The following RPS6KA2 variants were observed in gnomAD, a reference collection of about 807,000 sequenced individuals.
The protein encoded by RPS6KA2 is ribosomal protein S6 kinase A2.
RPS6KA2 carries 42 observed loss-of-function variants against 91.8 expected under a neutral mutation model. The ratio of observed to expected loss-of-function variants is 0.46; its 90% CI spans 0.36 to 0.59. The LOEUF is 0.59. Ranked by LOEUF, RPS6KA2 falls within the 20% of genes least tolerant of loss-of-function variation. RPS6KA2 has a pLI of 0.00. For synonymous variants in RPS6KA2, 414 were observed against 393.6 expected, an observed-to-expected ratio of 1.05 and a Z score of -0.61; for missense variants, 798 against 978.5, an observed-to-expected ratio of 0.82 and a Z score of 2.46.
rs541223868 is a variant in RPS6KA2, at chr6:166,723,240, G to A, written c.123+134960C>T. On this transcript the variant is annotated intron_variant, in intron 2 of 21. Transcript: ENST00000503859. Reference sequence around the variant, plus strand: ...GCTCAGTGCCCAGCCTCTTGCTCAAGTCCCCCCTTCTGGAAAGTAAAGCAC... The same window carrying A: ...GCTCAGTGCCCAGCCTCTTGCTCAAATCCCCCCTTCTGGAAAGTAAAGCAC... Among the ~76,000 whole-genome samples, 5 of 152,350 alleles carry A rather than the reference G, an allele frequency of 3.3e-5. No homozygotes were observed. The South Asian group carries it at 8.3e-4, about 25-fold the overall frequency.
chr6:166,504,638 A>C (rs777637954), intron 5 of RPS6KA2, 26 bp from the exon 6 acceptor site: 13 of 1,504,254 alleles, frequency 8.6e-6, no homozygotes, highest in Admixed American at 7.3e-5. Flanking sequence ...CAAAAACAAA[A>C]ACAAAAAACG....
intron 1 of RPS6KA2, among the ~76,000 whole-genome samples, chr6:166,575,619 C>CT (rs1784816395): frequency 6.6e-6 from 1 of 151,906 alleles, no homozygotes. Context: ...TTTTTCTTTC[C>CT]TTTTTTACAT....
intron 2 of RPS6KA2, among the ~76,000 whole-genome samples, chr6:166,846,208 T>A (rs974187712): frequency 7.4e-6 from 1 of 135,268 alleles, no homozygotes; most frequent in Non-Finnish European, 1.6e-5. Context: ...AAGATTGAAG[T>A]GGTAATTTTT....
chr6:166,579,617 G>A (rs769513883), intron 1 of RPS6KA2, among the ~76,000 whole-genome samples: 8 of 152,220 alleles, frequency 5.3e-5, no homozygotes, highest in Non-Finnish European at 1.2e-4. Flanking sequence ...TGAAACTGGT[G>A]TATTCAAGAT....
intron 1 of RPS6KA2, among the ~76,000 whole-genome samples, chr6:166,590,182 TG>T (rs1166366431): frequency 6.6e-6 from 1 of 152,252 alleles, no homozygotes; most frequent in Non-Finnish European, 1.5e-5. Context: ...CTTCTGGTTT[TG>T]CTTCTTTTGT....
Position 166,634,750 on chromosome 6 carries a change from C to T in RPS6KA2, c.124-95966G>A, listed in dbSNP as rs542793234. The stretch of plus-strand genomic sequence containing the variant: ...TTGAGTCGCTGGGGCTACAGGTGTG[C>T]GCCACCTTGCCCAGCTAATTTTTGT... On this transcript the variant is annotated intron_variant, in intron 2 of 21. Transcript: ENST00000503859. 1.4e-4 allele frequency among the ~76,000 whole-genome samples: 22 copies of T among 152,206 alleles called. No homozygotes were observed. In the South Asian group the frequency reaches 2.7e-3, roughly 19 times the overall value.
intron 2 of RPS6KA2, among the ~76,000 whole-genome samples, chr6:166,738,684 A>G (rs574266232): frequency 2.0e-4 from 31 of 152,352 alleles, no homozygotes; most frequent in African/African-American, 6.7e-4. Flanking sequence ...ATGGCTTTAA[A>G]TAAAAACGAC....
At chr6:166,458,587 G>C (rs915192549) in intron 12 of RPS6KA2, among the ~76,000 whole-genome samples, 1 of 152,168 alleles carries the variant, frequency 6.6e-6, no homozygotes, top group African/African-American at 2.4e-5. Context: ...TAATCCAAGA[G>C]GACTAGTGTC....
intron 14 of RPS6KA2, among the ~76,000 whole-genome samples, chr6:166,446,771 C>T (rs1779693508): frequency 6.6e-6 from 1 of 152,192 alleles, no homozygotes; most frequent in Non-Finnish European, 1.5e-5. Flanking sequence ...GGCTGCTGGG[C>T]TGACCAAACC....
rs1787347990 is a variant in RPS6KA2, at chr6:166,639,287, T to A, written c.124-100503A>T. 6.6e-6 allele frequency among the ~76,000 whole-genome samples: 1 copy of A among 152,050 alleles called. No individual in the cohort carries two copies. ...AGACTTACCGTGACCTCCTGACACGTCCTTATTCCCTACGTCTCTAGTTAC... is the reference window on the plus strand; with the variant it reads ...AGACTTACCGTGACCTCCTGACACGACCTTATTCCCTACGTCTCTAGTTAC... On this transcript the variant is annotated intron_variant, in intron 2 of 21. Transcript: ENST00000503859. This position sits in a 1 kb window ranked among gnomAD's most constrained non-coding sequence, Gnocchi z 4.2.
intron 2 of RPS6KA2, among the ~76,000 whole-genome samples, chr6:166,658,696 C>T (rs778251828): frequency 4.6e-5 from 7 of 152,126 alleles, no homozygotes; most frequent in African/African-American, 7.2e-5. Context: ...TGCCAGGGTT[C>T]GCCTGTGCAA....
chr6:166,548,676 A>T (rs1262283674), intron 1 of RPS6KA2, among the ~76,000 whole-genome samples: 3 of 152,248 alleles, frequency 2.0e-5, no homozygotes, highest in Non-Finnish European at 4.4e-5. Flanking sequence ...CTCTTATACA[A>T]TAATTAACTG....
At chr6:166,713,657 T>C (rs1006008840) in intron 2 of RPS6KA2, among the ~76,000 whole-genome samples, 6 of 152,254 alleles carry the variant, frequency 3.9e-5, no homozygotes, top group African/African-American at 1.4e-4. Flanking sequence ...TTATGTGTTC[T>C]GGAAGCAAAA....
intron 1 of RPS6KA2, among the ~76,000 whole-genome samples, chr6:166,859,859 C>T (rs1781003066): frequency 6.6e-6 from 1 of 152,136 alleles, no homozygotes; most frequent in African/African-American, 2.4e-5. Context: ...TGCATAACAG[C>T]AAGGAACTAA....
intron 2 of RPS6KA2, among the ~76,000 whole-genome samples, chr6:166,746,282 A>G (rs1307276747): frequency 1.3e-5 from 2 of 152,146 alleles, no homozygotes; most frequent in Non-Finnish European, 2.9e-5. Context: ...ACTGGATCCA[A>G]ACTCACCTGT....
intron 2 of RPS6KA2, among the ~76,000 whole-genome samples, chr6:166,843,354 G>A (rs1374943520): frequency 6.6e-6 from 1 of 152,128 alleles, no homozygotes; most frequent in Non-Finnish European, 1.5e-5. Context: ...ACCACCTCTG[G>A]AGAAACCTGA....
chr6:166,468,708 A>T (rs1040417495), intron 11 of RPS6KA2, among the ~76,000 whole-genome samples: 4 of 151,800 alleles, frequency 2.6e-5, no homozygotes, highest in South Asian at 2.1e-4. Context: ...CTAAAAATAT[A>T]AAAAAAATTA....
chr6:166,638,713 C>T (rs755119333), intron 2 of RPS6KA2, among the ~76,000 whole-genome samples: 4 of 152,090 alleles, frequency 2.6e-5, no homozygotes, highest in Non-Finnish European at 4.4e-5. Flanking sequence ...AGGATGGGTC[C>T]CAGGGGACGT....
chr6:166,469,006 G>A (rs1041958169), intron 11 of RPS6KA2, among the ~76,000 whole-genome samples: 8 of 152,168 alleles, frequency 5.3e-5, no homozygotes, highest in Non-Finnish European at 1.2e-4. Flanking sequence ...CAACATAGCT[G>A]TTTTTGTGTT....
Sources: allele counts gnomAD v4.1 joint callset (sites outside exome capture counted in the v4.1 genomes callset), GRCh38; gene constraint gnomAD v4.1.1; non-coding constraint Gnocchi (gnomAD v3.1); transcripts MANE v1.5; gene names NCBI Gene and HGNC (gene_info 2026-07-23, HGNC 2026-07-21).